GULP1: variants seen among roughly 807,000 people sequenced by gnomAD.
The protein encoded by GULP1 is GULP PTB domain containing engulfment adaptor 1.
In GULP1, 19 loss-of-function variants were observed where a neutral mutation model predicts 40.9. The observed-to-expected ratio is 0.46, with a 90% CI of 0.32 to 0.68. GULP1 has a LOEUF of 0.68. GULP1 is among the 30% of genes least tolerant of loss of function. The probability of loss-of-function intolerance (pLI) is 0.03; values close to 1 mark genes in which losing one functional copy is unlikely to be tolerated. For missense variants in GULP1, 312 were observed against 362.2 expected (o/e 0.86, Z 1.12); for synonymous variants, 119 against 117.6 (o/e 1.01, Z -0.08).
At chr2:188,593,776 C>G in intron 11 of GULP1, 164 bp from the exon 12 acceptor site, 2 of 563,266 alleles carry the variant, frequency 3.6e-6, no homozygotes, top group Non-Finnish European at 6.5e-6. Context: ...ACTACCAGTG[C>G]TATACACCTA....
At chr2:188,478,122 T>C (rs1409996815) in intron 3 of GULP1, among the ~76,000 whole-genome samples, 2 of 152,116 alleles carry the variant, frequency 1.3e-5, no homozygotes, top group South Asian at 2.1e-4. Flanking sequence ...TGTGTGTGTG[T>C]GCACAGGCTT....
At chr2:188,528,568 T>C (rs1376907642) in intron 5 of GULP1, among the ~76,000 whole-genome samples, 2 of 152,162 alleles carry the variant, frequency 1.3e-5, no homozygotes, top group Non-Finnish European at 2.9e-5. Flanking sequence ...TCTAGTTCTA[T>C]ACCTGAGTCT....
intron 7 of GULP1, among the ~76,000 whole-genome samples, chr2:188,551,351 A>T (rs1693401237): frequency 6.6e-6 from 1 of 151,640 alleles, no homozygotes. Context: ...AGGCTCTGTT[A>T]TCCATCTTTC....
chr2:188,569,734 C>T, intron 8 of GULP1: 1 of 351,974 alleles, frequency 2.8e-6, no homozygotes. Flanking sequence ...GTTTCACTGT[C>T]TTGTGGTTAT....
At chr2:188,463,893 G>T (rs1330717783) in intron 2 of GULP1, among the ~76,000 whole-genome samples, 5 of 151,922 alleles carry the variant, frequency 3.3e-5, no homozygotes, top group African/African-American at 9.7e-5. Flanking sequence ...TTATCTGATA[G>T]AATTTTGAAT....
chr2:188,334,960 A>ATCT (rs1394436414), intron 1 of GULP1, among the ~76,000 whole-genome samples: 1 of 152,208 alleles, frequency 6.6e-6, no homozygotes, highest in Non-Finnish European at 1.5e-5. Flanking sequence ...GAATTAGAGA[A>ATCT]AATTGCCAAA....
At chr2:188,407,969 G>A (rs2053348711) in intron 2 of GULP1, among the ~76,000 whole-genome samples, 1 of 152,178 alleles carries the variant, frequency 6.6e-6, no homozygotes. Flanking sequence ...CATGTAAATG[G>A]AAACCAAAAG....
rs183852494 is a variant in GULP1, at chr2:188,381,687, C to T, written c.-171-2076C>T. On this transcript the variant is annotated intron_variant, in intron 1 of 11. Transcript: ENST00000409830. ...ATCCTAAAAAAGAACTAATTTTGTTCTTCCTTTTCTCTCCTCTCATTTAAG... is the reference window on the plus strand; with the variant it reads ...ATCCTAAAAAAGAACTAATTTTGTTTTTCCTTTTCTCTCCTCTCATTTAAG... 4.5e-4 allele frequency among the ~76,000 whole-genome samples: 68 copies of T among 152,170 alleles called. 1 individual carries two copies. Among genetic ancestry groups the T allele is most frequent in the African/African-American group, 1.6e-3 (66 of 41,554 alleles).
intron 2 of GULP1, among the ~76,000 whole-genome samples, chr2:188,414,155 A>G (rs1010234144): frequency 6.7e-6 from 1 of 149,630 alleles, no homozygotes; most frequent in Admixed American, 6.7e-5. Context: ...AGGCAGAGGT[A>G]GCAGTGCGCT....
chr2:188,318,233 A>G (rs1477945845), intron 1 of GULP1, among the ~76,000 whole-genome samples: 1 of 152,090 alleles, frequency 6.6e-6, no homozygotes, highest in Non-Finnish European at 1.5e-5. Context: ...GACTATCGCT[A>G]TATATGTTAT....
intron 1 of GULP1, among the ~76,000 whole-genome samples, chr2:188,361,088 G>T (rs1380614305): frequency 6.6e-6 from 1 of 152,026 alleles, no homozygotes; most frequent in Non-Finnish European, 1.5e-5. Context: ...TGACCATGAC[G>T]TATTAAATGC....
intron 7 of GULP1, among the ~76,000 whole-genome samples, chr2:188,555,660 T>C (rs1301238075): frequency 6.6e-6 from 1 of 152,240 alleles, no homozygotes; most frequent in Non-Finnish European, 1.5e-5. Flanking sequence ...TGACTTTAGA[T>C]AGTCTGAGTA....
intron 4 of GULP1, among the ~76,000 whole-genome samples, chr2:188,486,359 A>G (rs1210242945): frequency 1.3e-5 from 2 of 152,014 alleles, no homozygotes; most frequent in Admixed American, 1.3e-4. Context: ...AGTAGAGAAT[A>G]AGAAAAAATA....
intron 1 of GULP1, among the ~76,000 whole-genome samples, chr2:188,366,588 C>CTTTTTTT (rs34745549): frequency 2.4e-5 from 2 of 84,060 alleles, no homozygotes; most frequent in Non-Finnish European, 2.2e-5. Flanking sequence ...CAGTTACTTT[C>CTTTTTTT]TTTTTTTTTT....
intron 1 of GULP1, among the ~76,000 whole-genome samples, chr2:188,368,506 A>G (rs1009577540): frequency 2.0e-5 from 3 of 152,126 alleles, no homozygotes; most frequent in Non-Finnish European, 2.9e-5. Context: ...GTTTGAACCC[A>G]GGAGGCAGAG....
intron 2 of GULP1, among the ~76,000 whole-genome samples, chr2:188,387,519 CAAGA>C (rs1368032602): frequency 1.3e-5 from 2 of 151,980 alleles, no homozygotes; most frequent in African/African-American, 4.8e-5. Flanking sequence ...TATTAAGTGA[CAAGA>C]AAGAAGTAAA....
intron 1 of GULP1, among the ~76,000 whole-genome samples, chr2:188,361,771 C>G (rs1337549095): frequency 6.6e-6 from 1 of 152,002 alleles, no homozygotes; most frequent in African/African-American, 2.4e-5. Flanking sequence ...CTTACCATGC[C>G]TATGATGTAT....
chr2:188,373,875 A>G (rs781151012), intron 1 of GULP1, among the ~76,000 whole-genome samples: 2 of 152,152 alleles, frequency 1.3e-5, no homozygotes, highest in Non-Finnish European at 2.9e-5. Flanking sequence ...AGTGCTCAAT[A>G]TCACCTGTAA....
intron 7 of GULP1, 67 bp downstream of exon 7, chr2:188,541,385 G>A: frequency 1.5e-6 from 2 of 1,304,714 alleles, no homozygotes; most frequent in South Asian, 1.2e-5. Flanking sequence ...CTTGCTTCTG[G>A]CATTGGCAAA....
Sources: allele counts gnomAD v4.1 joint callset (sites outside exome capture counted in the v4.1 genomes callset), GRCh38; gene constraint gnomAD v4.1.1; transcripts MANE v1.5; gene names NCBI Gene and HGNC (gene_info 2026-07-23, HGNC 2026-07-21).